The following ANXA4 variants were observed in gnomAD, a reference collection of about 807,000 sequenced individuals.
ANXA4 encodes annexin A4.
ANXA4 carries 39 observed loss-of-function variants against 49.8 expected under a neutral mutation model. That is an observed-to-expected ratio of 0.78 (90% confidence interval 0.61 to 1.02). The LOEUF (loss-of-function observed/expected upper bound fraction) is 1.02, where lower values mean the gene tolerates loss of function less well. Among genes scored for constraint, ANXA4 ranks in the 50% least tolerant of loss-of-function variants. The probability of loss-of-function intolerance (pLI) is 0.00; values close to 1 mark genes in which losing one functional copy is unlikely to be tolerated. For synonymous variants in ANXA4, 134 were observed against 152.5 expected, an observed-to-expected ratio of 0.88 and a Z score of 0.89; for missense variants, 360 against 410.1, an observed-to-expected ratio of 0.88 and a Z score of 1.05.
intron 3 of ANXA4, among the ~76,000 whole-genome samples, chr2:69,794,512 G>A (rs112407515): frequency 0.02 from 2,623 of 132,354 alleles, 45 homozygotes; most frequent in Non-Finnish European, 0.026. Context: ...GTTATATTAT[G>A]TTATGTTATA....
chr2:69,806,332 A>G, intron 4 of ANXA4, 53 bp from the exon 5 acceptor site: 2 of 1,314,198 alleles, frequency 1.5e-6, no homozygotes, highest in East Asian at 4.6e-5. Context: ...CCTGGAGAGT[A>G]GCTGGTCTAA....
intron 1 of ANXA4, among the ~76,000 whole-genome samples, chr2:69,779,657 T>C (rs981016289): frequency 2.0e-5 from 3 of 152,250 alleles, no homozygotes; most frequent in East Asian, 1.9e-4. Context: ...TCTTTTATTA[T>C]GGCATTTGTC....
intron 1 of ANXA4, among the ~76,000 whole-genome samples, chr2:69,777,330 G>A (rs1353904140): frequency 1.3e-5 from 2 of 152,208 alleles, no homozygotes; most frequent in Non-Finnish European, 2.9e-5. Flanking sequence ...GAGGTGAGAG[G>A]TTGGGCTGAA....
chr2:69,665,250 G>A (rs1312550477), intron 2 of ANXA4, among the ~76,000 whole-genome samples: 2 of 152,150 alleles, frequency 1.3e-5, no homozygotes, highest in South Asian at 2.1e-4. Flanking sequence ...CAGAGATCAC[G>A]TGAACAGACC....
intron 1 of ANXA4, among the ~76,000 whole-genome samples, chr2:69,753,514 T>C (rs192181273): frequency 1.9e-4 from 29 of 152,328 alleles, no homozygotes; most frequent in African/African-American, 6.7e-4. Flanking sequence ...ACAATCGATA[T>C]TAAGTAGAAT....
chr2:69,740,439 GTTTTGTTTTGTTTTTGTTTTTGT>G (rs2105463807), upstream of ANXA4, among the ~76,000 whole-genome samples: 1 of 151,708 alleles, frequency 6.6e-6, no homozygotes, highest in African/African-American at 2.4e-5. Context: ...TTAATTTTTT[GTTTTGTTTTGTTTTTGTTTTTGT>G]TTTTGTTTTG....
At chr2:69,731,654 T>C (rs576805181) in intron 3 of ANXA4, among the ~76,000 whole-genome samples, 2 of 152,292 alleles carry the variant, frequency 1.3e-5, no homozygotes, top group East Asian at 1.9e-4. Context: ...AGATGTTTTT[T>C]AAAAAGCCAA....
chr2:69,706,601 C>T (rs11693776), intron 2 of ANXA4, among the ~76,000 whole-genome samples: 160 of 152,200 alleles, frequency 1.1e-3, no homozygotes, highest in African/African-American at 3.4e-3. Flanking sequence ...CGCGCCCAGT[C>T]GGTACAATTC....
At chr2:69,664,333 G>T (rs1406818056) in intron 2 of ANXA4, among the ~76,000 whole-genome samples, 3 of 152,128 alleles carry the variant, frequency 2.0e-5, no homozygotes, top group African/African-American at 7.2e-5. Context: ...AATCAAGAAA[G>T]CTTTTGTGTG....
chr2:69,655,252 G>A (rs950571899), intron 2 of ANXA4, among the ~76,000 whole-genome samples: 2 of 152,116 alleles, frequency 1.3e-5, no homozygotes, highest in African/African-American at 4.8e-5. Flanking sequence ...CCTAGAGAAT[G>A]GGAGAAAATT....
chr2:69,722,228 G>T (rs1669833207), intron 3 of ANXA4, among the ~76,000 whole-genome samples: 1 of 152,182 alleles, frequency 6.6e-6, no homozygotes, highest in Admixed American at 6.5e-5. Context: ...AAGGTCTATG[G>T]TCTATTGGAA....
At chr2:69,708,957 A>G (rs1678590712) in intron 2 of ANXA4, among the ~76,000 whole-genome samples, 1 of 152,158 alleles carries the variant, frequency 6.6e-6, no homozygotes, top group Non-Finnish European at 1.5e-5. Context: ...AATAATTTGA[A>G]TATTATTTCT....
At chr2:69,748,962 C>T (rs1360050051) in intron 1 of ANXA4, among the ~76,000 whole-genome samples, 1 of 152,172 alleles carries the variant, frequency 6.6e-6, no homozygotes, top group Non-Finnish European at 1.5e-5. Flanking sequence ...ATCCACCTGC[C>T]TCAGCCTCCC....
At chr2:69,726,686 T>C (rs1669971223) in intron 3 of ANXA4, among the ~76,000 whole-genome samples, 1 of 152,188 alleles carries the variant, frequency 6.6e-6, no homozygotes, top group African/African-American at 2.4e-5. Flanking sequence ...TTATCCTGAC[T>C]TTTAAAACCA....
intron 3 of ANXA4, among the ~76,000 whole-genome samples, chr2:69,731,165 A>C (rs1047462547): frequency 6.6e-6 from 1 of 152,182 alleles, no homozygotes; most frequent in African/African-American, 2.4e-5. Flanking sequence ...AATGTTTGAG[A>C]CTTATTTCCT....
In ANXA4 at chr2:69,825,664, A is replaced by G; in HGVS notation, c.*149A>G. The G allele has an allele frequency of 1.8e-6, 1 of 562,634 alleles. No homozygotes were observed. Among genetic ancestry groups the G allele is most frequent in the Non-Finnish European group, 3.1e-6 (1 of 320,340 alleles). 34.9% of individuals were successfully genotyped at this position (562,634 alleles called of 1,614,324 possible). On this transcript the variant is annotated 3_prime_UTR_variant, in exon 13 of 13. Transcript: ENST00000394295. ...TCCTAGAATATAGACTGTCTGTATT[A>G]TTATTCACCTATAATTAGTCATTAT...
intron 1 of ANXA4, among the ~76,000 whole-genome samples, chr2:69,761,715 G>C (rs188418985): frequency 1.3e-5 from 2 of 149,242 alleles, no homozygotes; most frequent in East Asian, 3.9e-4. Context: ...GAGCCCAGGA[G>C]TTCAAGACCA....
intron 2 of ANXA4, among the ~76,000 whole-genome samples, chr2:69,679,742 G>C (rs993316003): frequency 2.0e-5 from 3 of 152,162 alleles, no homozygotes; most frequent in Non-Finnish European, 2.9e-5. Flanking sequence ...AATTTTCTAA[G>C]CACCAATTAT....
chr2:69,792,856 T>C (rs1672751897), intron 3 of ANXA4, among the ~76,000 whole-genome samples: 1 of 151,604 alleles, frequency 6.6e-6, no homozygotes, highest in Non-Finnish European at 1.5e-5. Flanking sequence ...CAGATAATGT[T>C]TGACTCCTTT....
Sources: gnomAD v4.1 joint callset for allele counts (sites outside exome capture counted in the v4.1 genomes callset) on GRCh38, gnomAD v4.1.1 for gene constraint, MANE v1.5 for transcripts, NCBI Gene and HGNC (gene_info 2026-07-23, HGNC 2026-07-21) for gene names.